Variants in SLC22A23 observed in about 807,000 individuals in gnomAD.
SLC22A23 encodes ion transporter protein.
Under a neutral mutation model 61.0 loss-of-function variants are expected in SLC22A23, and 26 were observed. That is an observed-to-expected ratio of 0.43 (90% CI 0.31 to 0.59). SLC22A23 has a LOEUF of 0.59. SLC22A23 is among the 20% of genes least tolerant of loss of function. The pLI is 0.11. For synonymous variants in SLC22A23, 430 were observed against 413.9 expected, an observed-to-expected ratio of 1.04 and a Z score of -0.47; for missense variants, 796 against 934.7, an observed-to-expected ratio of 0.85 and a Z score of 1.94.
chr6:3,322,713 GC>G lies in SLC22A23; in HGVS notation c.1082+1120del, dbSNP rs1365314263. On this transcript the variant is annotated intron_variant, in intron 4 of 9. Transcript: ENST00000406686. This position sits in a 1 kb window ranked among gnomAD's most constrained non-coding sequence, Gnocchi z 4.1. ...CAGTACATCTACTACCAGGGCAGGG[GC>G]GGGGGGCAGTACCACTAAGCCAAAA... 1.3e-5 allele frequency among the ~76,000 whole-genome samples: 2 copies of G among 152,196 alleles called. No individual in the cohort carries two copies. The highest frequency in any genetic ancestry group is 1.3e-4 in the Admixed American group (2 of 15,280).
intron 3 of SLC22A23, among the ~76,000 whole-genome samples, chr6:3,406,522 C>T (rs957053833): frequency 3.5e-5 from 4 of 115,098 alleles, no homozygotes; most frequent in African/African-American, 1.8e-4. Flanking sequence ...AGTTTTTCGA[C>T]TGCCTGTGTG....
Position 3,324,118 on chromosome 6 carries a change from T to C in SLC22A23, c.914-116A>G. 7.6e-7 allele frequency: 1 copy of C among 1,307,626 alleles called. No individual in the cohort carries two copies. The allele number at this position is 1,307,626 out of a possible 1,614,324, so 81.0% of individuals were successfully genotyped here. On this transcript the variant is annotated intron_variant, in intron 3 of 9. Coordinates refer to ENST00000406686, the MANE Select transcript of SLC22A23 (RefSeq NM_015482.2). The surrounding 1 kb of genome is among the most constrained non-coding windows in gnomAD (Gnocchi z 4.3). ...CCACCAACGACTGAAATTGTTTTCA[T>C]CTGCTGCCCACCACAAGTGCCCTAT...
chr6:3,293,053 C>G (rs72839341), intron 5 of SLC22A23, among the ~76,000 whole-genome samples: 6 of 152,148 alleles, frequency 3.9e-5, no homozygotes, highest in African/African-American at 1.4e-4. Flanking sequence ...AGTGGCCACT[C>G]GCCCAAGACC....
Position 3,414,773 on chromosome 6 carries a change from G to A in SLC22A23, c.758+979C>T, listed in dbSNP as rs893824186. Among the ~76,000 whole-genome samples the A allele has an allele frequency of 1.3e-5, 2 of 151,658 alleles. No individual in the cohort carries two copies. The highest frequency in any genetic ancestry group is 4.9e-5 in the African/African-American group (2 of 41,222). ...TTTAAAGATAAAAGAATGTAAGCTG[G>A]GGAGACAGTTACACTACGCCTCTCT... On this transcript the variant is annotated intron_variant, in intron 2 of 9. Transcript: ENST00000406686. This position sits in a 1 kb window ranked among gnomAD's most constrained non-coding sequence, Gnocchi z 5.1.
chr6:3,349,849 C>G (rs1764658955), intron 3 of SLC22A23, among the ~76,000 whole-genome samples: 1 of 152,216 alleles, frequency 6.6e-6, no homozygotes, highest in Non-Finnish European at 1.5e-5. Flanking sequence ...AAGGTGGTGG[C>G]TTATTGCTCC....
Position 3,360,385 on chromosome 6 carries a change from A to G in SLC22A23, c.914-36383T>C, listed in dbSNP as rs1765361292. ...TCAGCTGTGCCCCGCCCACCCATCC[A>G]CCCAAGGATCCTTAAACTCAGGAGG... On this transcript the variant is annotated intron_variant, in intron 3 of 9. Transcript: ENST00000406686. The surrounding 1 kb of genome is among the most constrained non-coding windows in gnomAD (Gnocchi z 4.6). Among the ~76,000 whole-genome samples the G allele has an allele frequency of 6.6e-6, 1 of 152,028 alleles. No individual in the cohort carries two copies. The highest frequency in any genetic ancestry group is 2.4e-5 in the African/African-American group (1 of 41,378).
At chr6:3,358,656 T>C (rs1765258708) in intron 3 of SLC22A23, among the ~76,000 whole-genome samples, 1 of 152,146 alleles carries the variant, frequency 6.6e-6, no homozygotes, top group Admixed American at 6.5e-5. Flanking sequence ...GCTGCACACA[T>C]TGTGTCTATA....
At chr6:3,316,874 G>A (rs970679989) in intron 4 of SLC22A23, among the ~76,000 whole-genome samples, 1 of 152,136 alleles carries the variant, frequency 6.6e-6, no homozygotes, top group African/African-American at 2.4e-5. Context: ...CTGTGCTCAC[G>A]TGATCTTCCT....
rs776025753 is a variant in SLC22A23, at chr6:3,297,392, G to A, written c.1210+699C>T. Among the ~76,000 whole-genome samples, 83 of 152,276 alleles carry A rather than the reference G, an allele frequency of 5.5e-4. No homozygotes were observed. Among genetic ancestry groups the A allele is most frequent in the Middle Eastern group, 3.4e-3 (1 of 294 alleles). On this transcript the variant is annotated intron_variant, in intron 5 of 9. Coordinates refer to ENST00000406686, the MANE Select transcript of SLC22A23 (RefSeq NM_015482.2). The surrounding 1 kb of genome is among the most constrained non-coding windows in gnomAD (Gnocchi z 4.3). ...CCGAGACCACCAGTGATCTTCAAAC[G>A]GAAATCTGTATACCACTTGCATCAG...
intron 3 of SLC22A23, among the ~76,000 whole-genome samples, chr6:3,409,006 C>T (rs1257040525): frequency 1.3e-5 from 2 of 152,244 alleles, no homozygotes; most frequent in Non-Finnish European, 2.9e-5. Context: ...GGGCCATAGA[C>T]AACGGCACAG....
At chr6:3,381,034 A>C (rs1051630951) in intron 3 of SLC22A23, among the ~76,000 whole-genome samples, 13 of 152,202 alleles carry the variant, frequency 8.5e-5, no homozygotes, top group African/African-American at 2.9e-4. Context: ...AACTTTTTGA[A>C]ACTGCTTCAG....
chr6:3,302,385 T>G (rs140480964), intron 4 of SLC22A23, among the ~76,000 whole-genome samples: 3 of 152,226 alleles, frequency 2.0e-5, no homozygotes, highest in Admixed American at 2.0e-4. Flanking sequence ...AACCAACTTT[T>G]TGTTTCATTG....
At chr6:3,423,953 T>C (rs1770312270) in intron 1 of SLC22A23, among the ~76,000 whole-genome samples, 1 of 152,146 alleles carries the variant, frequency 6.6e-6, no homozygotes, top group Admixed American at 6.5e-5. Context: ...GGAGAGAACT[T>C]GGAGGGTGAA....
At chr6:3,415,704 C>T (rs573761725) in intron 2 of SLC22A23, 48 bp downstream of exon 2, 40 of 1,290,698 alleles carry the variant, frequency 3.1e-5, no homozygotes, top group Admixed American at 2.0e-4. Flanking sequence ...CCAGCAAAGG[C>T]GTGCTGTGGC....
At chr6:3,293,336 G>A (rs1046282554) in intron 5 of SLC22A23, among the ~76,000 whole-genome samples, 1 of 152,326 alleles carries the variant, frequency 6.6e-6, no homozygotes. Flanking sequence ...AACGCTCCAA[G>A]GAGGCAGCCC....
Position 3,273,249 on chromosome 6 carries a change from C to A in SLC22A23, c.1867G>T (p.Asp623Tyr). 1 of 1,613,062 alleles carries A rather than the reference C, an allele frequency of 6.2e-7. No homozygotes were observed. The highest frequency in any genetic ancestry group is 1.1e-5 in the South Asian group (1 of 91,014). ...GAAATGTTCTCAGGCAGGTTCTGGT[C>A]CCTGCTCTCGGGCAGCAGGAGGATG... ...ICILLLPESR[D>Y]QNLPENISNG... The change falls in exon 10 of 10, where the codon GAC (aspartate) becomes TAC (tyrosine). Residue 623 changes from aspartate to tyrosine, a missense_variant. By Grantham distance (160) the Asp-to-Tyr change is radical. Coordinates refer to ENST00000406686, the MANE Select transcript of SLC22A23 (RefSeq NM_015482.2).
intron 4 of SLC22A23, among the ~76,000 whole-genome samples, chr6:3,305,854 CT>C (rs1761937045): frequency 6.6e-6 from 1 of 152,212 alleles, no homozygotes; most frequent in Non-Finnish European, 1.5e-5. Flanking sequence ...GGGAGAAAGC[CT>C]TGAAGTTGGC....
chr6:3,414,390 C>G lies in SLC22A23; in HGVS notation c.758+1362G>C, dbSNP rs999721779. On this transcript the variant is annotated intron_variant, in intron 2 of 9. Transcript: ENST00000406686. The surrounding 1 kb of genome is among the most constrained non-coding windows in gnomAD (Gnocchi z 5.1). ...TACCAAAGAAAGCCCCCAAGAGGTC[C>G]CCTGCGTAGGTCTCCAGAGGTCACT... Among the ~76,000 whole-genome samples, 60 of 152,022 alleles carry G rather than the reference C, an allele frequency of 3.9e-4. No homozygotes were observed. Among genetic ancestry groups the G allele is most frequent in the Non-Finnish European group, 2.5e-4 (17 of 68,022 alleles).
At chr6:3,331,483 C>T (rs1158193309) in intron 3 of SLC22A23, among the ~76,000 whole-genome samples, 3 of 152,010 alleles carry the variant, frequency 2.0e-5, no homozygotes, top group African/African-American at 7.3e-5. Context: ...AGAAGCTGGC[C>T]CGGCACCCTA....
Sources: allele counts gnomAD v4.1 joint callset (sites outside exome capture counted in the v4.1 genomes callset), GRCh38; gene constraint gnomAD v4.1.1; non-coding constraint Gnocchi (gnomAD v3.1); transcripts MANE v1.5; gene names NCBI Gene and HGNC (gene_info 2026-07-23, HGNC 2026-07-21).